The following KCNC3 variants were observed in gnomAD, a reference collection of about 807,000 sequenced individuals.
The protein encoded by KCNC3 is potassium voltage-gated channel subfamily C member 3, also known as voltage-gated potassium channel KCNC3.
A neutral mutation model predicts 43.9 loss-of-function variants in KCNC3; 22 were observed. The observed-to-expected ratio is 0.50, with a 90% CI of 0.36 to 0.72. The LOEUF (loss-of-function observed/expected upper bound fraction) is 0.72. Among genes scored for constraint, KCNC3 ranks in the 30% least tolerant of loss-of-function variants. KCNC3 has a pLI of 0.00. For missense variants in KCNC3, 829 were observed against 1,073.8 expected, an observed-to-expected ratio of 0.77 and a Z score of 3.19; for synonymous variants, 492 against 488.0, an observed-to-expected ratio of 1.01 and a Z score of -0.11.
rs866174515 is a variant in KCNC3, at chr19:50,324,004, G to T, written c.949C>A (p.His317Asn). Residue 317 changes from histidine to asparagine, a missense_variant, in exon 2 of 5, where the codon CAT becomes AAT. Coordinates refer to ENST00000477616, the MANE Select transcript of KCNC3 (RefSeq NM_004977.3). This position sits in a 1 kb window ranked among gnomAD's most constrained non-coding sequence, Gnocchi z 4.1. ...TGGGTCACCGTCTTGTTGCTAATAT[G>T]GATGAAGCCCTCATGGGTTTCCAGG... ...FCLETHEGFI[H>N]ISNKTVTQAS... The T allele has an allele frequency of 6.2e-7, 1 of 1,611,688 alleles. No homozygotes were observed. Among genetic ancestry groups the T allele is most frequent in the Non-Finnish European group, 8.5e-7 (1 of 1,178,058 alleles).
intron 4 of KCNC3, among the ~76,000 whole-genome samples, chr19:50,317,705 C>T: frequency 6.6e-6 from 1 of 152,210 alleles, no homozygotes. Flanking sequence ...CCCAGGGAAG[C>T]TCAGGGCCTG....
upstream of KCNC3, among the ~76,000 whole-genome samples, chr19:50,332,152 G>A (rs1382823245): frequency 6.6e-6 from 1 of 152,194 alleles, no homozygotes; most frequent in Non-Finnish European, 1.5e-5. The surrounding 1 kb of genome is among the most constrained non-coding windows in gnomAD (Gnocchi z 5.8). Context: ...GACTGGGCTG[G>A]GGCTGGATGA....
Position 50,323,663 on chromosome 19 carries a change from G to A in KCNC3, c.1290C>T (p.His430=), listed in dbSNP as rs757323828. Residue 430 remains histidine, a synonymous_variant, in exon 2 of 5, where the codon CAC becomes CAT. Transcript: ENST00000477616. ...GTCCCAGCACGCGCAGCCCCACGAA[G>A]TGCCGGGTCAGCTTGAAGATGCGCA... ...RILRIFKLTR[H]FVGLRVLGHT... 6.4e-5 allele frequency: 104 copies of A among 1,614,068 alleles called. No individual in the cohort carries two copies. The highest frequency in any genetic ancestry group is 8.5e-6 in the Non-Finnish European group (10 of 1,180,056).
chr19:50,326,923 G>GA (rs913089198), intron 1 of KCNC3, among the ~76,000 whole-genome samples: 5 of 50,524 alleles, frequency 9.9e-5, no homozygotes, highest in Admixed American at 6.5e-4. Flanking sequence ...TTTGCACGGC[G>GA]GGGGGGGAGG....
rs1452130941 is a variant in KCNC3 at position 50,323,930 on chromosome 19, C to T, written c.1023G>A (p.Glu341=). The stretch of plus-strand genomic sequence containing the variant: ...AGGTCAGGAAGGGCTCCGTCTCCAC[C>T]TCCACGTTGGTGATGTTCTCCGGAG... ...GAPPENITNV[E]VETEPFLTYV... Residue 341 remains glutamate, a synonymous_variant, in exon 2 of 5, where the codon GAG becomes GAA. Transcript: ENST00000477616. The T allele has an allele frequency of 8.1e-6, 13 of 1,614,088 alleles. No homozygotes were observed. Among genetic ancestry groups the T allele is most frequent in the Non-Finnish European group, 1.1e-5 (13 of 1,180,058 alleles).
chr19:50,314,515 T>C lies in KCNC3; in HGVS notation c.*1600A>G, dbSNP rs1448779177. On this transcript the variant is annotated 3_prime_UTR_variant, in exon 5 of 5. Transcript: ENST00000477616. ...GCTCCAGGTTAGGGAAGGCATGCAG[T>C]GTGTGGGGGGAGGTGCCCCAAGATG... The C allele has an allele frequency of 4.4e-6, 1 of 229,618 alleles. No individual in the cohort carries two copies. Among genetic ancestry groups the C allele is most frequent in the Non-Finnish European group, 8.8e-6 (1 of 114,168 alleles). 14.2% of individuals were successfully genotyped at this position (229,618 alleles called of 1,614,324 possible). A position where few individuals can be genotyped will look rare whatever the true frequency, so the allele number is the denominator to read the frequency against.
chr19:50,331,049 C>T (rs1054977701), upstream of KCNC3, among the ~76,000 whole-genome samples: 3 of 151,634 alleles, frequency 2.0e-5, no homozygotes, highest in South Asian at 6.3e-4. Flanking sequence ...CGCCTCCCAA[C>T]CCCATCCCAC....
chr19:50,320,709 A>G lies in KCNC3; in HGVS notation c.2054T>C (p.Met685Thr). ...GATGGGGCTCTTGTCTTCCGGGGAC[A>G]TGGCAGGCTGGTCAATGGCTGGGCA... ...EDCPAIDQPA[M>T]SPEDKSPITP... The change falls in exon 3 of 5, where the codon ATG becomes ACG. Residue 685 changes from methionine to threonine, a missense_variant. By Grantham distance (81) the Met-to-Thr change is moderately conservative. Coordinates refer to ENST00000477616, the MANE Select transcript of KCNC3 (RefSeq NM_004977.3). The G allele has an allele frequency of 1.2e-6, 2 of 1,613,920 alleles. No individual in the cohort carries two copies. The highest frequency in any genetic ancestry group is 1.7e-4 in the Middle Eastern group (1 of 6,034).
intron 3 of KCNC3, 84 bp from the exon 4 acceptor site, chr19:50,320,433 G>T (rs2123525980): frequency 1.5e-6 from 1 of 653,398 alleles, no homozygotes; most frequent in East Asian, 2.7e-5. Context: ...GAGGAAACTT[G>T]GGGCGGGGGT....
chr19:50,328,833 C>G lies in KCNC3; in HGVS notation c.250G>C (p.Gly84Arg). 1.3e-6 allele frequency: 2 copies of G among 1,487,742 alleles called. No homozygotes were observed. Among genetic ancestry groups the G allele is most frequent in the Non-Finnish European group, 1.8e-6 (2 of 1,123,470 alleles). 92.2% of individuals were successfully genotyped at this position (1,487,742 alleles called of 1,614,324 possible). The change falls in exon 1 of 5, where the codon GGT becomes CGT. Residue 84 changes from glycine to arginine, a missense_variant. By Grantham distance (125) the Gly-to-Arg change is moderately radical. Around this residue, in one of 7 missense-constraint regions of KCNC3, gnomAD observed 121 missense variants for 247.4 expected, o/e 0.49. Transcript: ENST00000477616. The part of the protein sequence containing the change: ...AAAMGRHGGG[G>R]GDSGKIVINV... ...ATCACGATCTTGCCGCTGTCGCCACCGCCGCCGCCGTGCCGCCCCATGGCC... is the reference window on the plus strand; with the variant it reads ...ATCACGATCTTGCCGCTGTCGCCACGGCCGCCGCCGTGCCGCCCCATGGCC...
chr19:50,314,524 G>A lies in KCNC3; in HGVS notation c.*1591C>T, dbSNP rs956922422. 4.0e-6 allele frequency: 1 copy of A among 251,762 alleles called. No individual in the cohort carries two copies. The highest frequency in any genetic ancestry group is 7.9e-6 in the Non-Finnish European group (1 of 127,178). 15.6% of individuals were successfully genotyped at this position (251,762 alleles called of 1,614,324 possible). On this transcript the variant is annotated 3_prime_UTR_variant, in exon 5 of 5. Transcript: ENST00000477616. ...TAGGGAAGGCATGCAGTGTGTGGGG[G>A]GAGGTGCCCCAAGATGTAACTGGCA...
At chr19:50,326,664 G>A (rs533759477) in intron 1 of KCNC3, among the ~76,000 whole-genome samples, 1 of 152,034 alleles carries the variant, frequency 6.6e-6, no homozygotes, top group Admixed American at 6.5e-5. Context: ...ATTTTGCACT[G>A]CCCCCCTTTT....
intron 4 of KCNC3, among the ~76,000 whole-genome samples, chr19:50,319,255 G>A (rs1175098221): frequency 6.6e-6 from 1 of 151,712 alleles, no homozygotes; most frequent in Non-Finnish European, 1.5e-5. Context: ...CGACTCTCTC[G>A]GCCTCGTCCC....
chr19:50,314,836 A>G lies in KCNC3; in HGVS notation c.*1279T>C. On this transcript the variant is annotated 3_prime_UTR_variant, in exon 5 of 5. Coordinates refer to ENST00000477616, the MANE Select transcript of KCNC3 (RefSeq NM_004977.3). ...TTCCCGGTCACCCCCGAGTCCCCCC[A>G]CAGGGGGGAGGGGAGCGCTAAAGGA... 2 of 345,610 alleles carry G rather than the reference A, an allele frequency of 5.8e-6. No homozygotes were observed. The highest frequency in any genetic ancestry group is 5.6e-6 in the Non-Finnish European group (1 of 177,602). 21.4% of individuals were successfully genotyped at this position (345,610 alleles called of 1,614,324 possible). A position where few individuals can be genotyped will look rare whatever the true frequency, so the allele number is the denominator to read the frequency against.
chr19:50,323,577 AC>A lies in KCNC3; in HGVS notation c.1375del (p.Val459CysfsTer7). The part of the protein sequence containing the change: ...LLLIIFLALG[V>X]LIFATMIYYA... ...GTAAATCATGGTGGCGAAGATGAGC[AC>A]CCCCAGGGCCAGGAAGATGATGAGC... On this transcript the variant is annotated frameshift_variant, in exon 2 of 5. Coordinates refer to ENST00000477616, the MANE Select transcript of KCNC3 (RefSeq NM_004977.3). LOFTEE classifies it high-confidence loss of function. 1 of 1,614,194 alleles carries A rather than the reference AC, an allele frequency of 6.2e-7. No homozygotes were observed. Among genetic ancestry groups the A allele is most frequent in the Non-Finnish European group, 8.5e-7 (1 of 1,180,036 alleles).
chr19:50,322,010 T>C (rs2123530017), intron 2 of KCNC3, among the ~76,000 whole-genome samples: 1 of 152,008 alleles, frequency 6.6e-6, no homozygotes, highest in Middle Eastern at 3.4e-3. Context: ...AGGTGAGAGA[T>C]GGGAGGTGGG....
chr19:50,315,018 A>AG lies in KCNC3; in HGVS notation c.*1096dup, dbSNP rs1317669820. ...GGGGGGTGGGGAGGTGTGCAGACAC[A>AG]GGGGGGAAGCACGAAGATGGGGTGC... is the stretch of plus-strand genomic sequence containing the variant. On this transcript the variant is annotated 3_prime_UTR_variant, in exon 5 of 5. Coordinates refer to ENST00000477616, the MANE Select transcript of KCNC3 (RefSeq NM_004977.3). 4.1e-6 allele frequency: 1 copy of AG among 246,742 alleles called. No individual in the cohort carries two copies. Among genetic ancestry groups the AG allele is most frequent in the Non-Finnish European group, 8.1e-6 (1 of 123,496 alleles). 15.3% of individuals were successfully genotyped at this position (246,742 alleles called of 1,614,324 possible).
intron 2 of KCNC3, among the ~76,000 whole-genome samples, chr19:50,322,453 A>G (rs2037045341): frequency 6.6e-6 from 1 of 151,832 alleles, no homozygotes; most frequent in South Asian, 2.1e-4. Context: ...ATTAGAACCC[A>G]AACTCTCTGC....
intron 4 of KCNC3, among the ~76,000 whole-genome samples, chr19:50,318,319 T>C (rs1004339123): frequency 1.3e-5 from 2 of 151,958 alleles, no homozygotes; most frequent in African/African-American, 4.8e-5. Flanking sequence ...GGACTACAGG[T>C]GCCCACCACC....
Sources: allele counts gnomAD v4.1 joint callset (sites outside exome capture counted in the v4.1 genomes callset), GRCh38; gene constraint gnomAD v4.1.1; regional missense constraint gnomAD v4.1.1; non-coding constraint Gnocchi (gnomAD v3.1); transcripts MANE v1.5; gene names NCBI Gene and HGNC (gene_info 2026-07-23, HGNC 2026-07-21).